The following PRKG1 variants were observed in gnomAD, a reference collection of about 807,000 sequenced individuals.
PRKG1 encodes the protein cGMP-dependent protein kinase 1.
Under a neutral mutation model 88.1 loss-of-function variants are expected in PRKG1, and 35 were observed. That is an observed-to-expected ratio of 0.40 (90% CI 0.30 to 0.53). The LOEUF (loss-of-function observed/expected upper bound fraction) is 0.53, where lower values mean the gene tolerates loss of function less well. PRKG1 is among the 20% of genes least tolerant of loss of function. The pLI is 0.59. For missense variants in PRKG1, 540 were observed against 839.8 expected (o/e 0.64, Z 4.41); for synonymous variants, 303 against 292.5 (o/e 1.04, Z -0.37).
intron 3 of PRKG1, among the ~76,000 whole-genome samples, chr10:51,709,302 C>T (rs1021832799): frequency 4.6e-5 from 7 of 152,158 alleles, no homozygotes; most frequent in Non-Finnish European, 5.9e-5. Flanking sequence ...CTCTTCCATC[C>T]TTCATATAAA....
At chr10:52,003,430 AG>A (rs1312553378) in intron 5 of PRKG1, among the ~76,000 whole-genome samples, 2 of 152,204 alleles carry the variant, frequency 1.3e-5, no homozygotes, top group African/African-American at 4.8e-5. Flanking sequence ...AGTAGGATTA[AG>A]AAAGTCATGA....
At chr10:51,444,530 A>G (rs1350729123) in intron 2 of PRKG1, among the ~76,000 whole-genome samples, 1 of 151,886 alleles carries the variant, frequency 6.6e-6, no homozygotes, top group Non-Finnish European at 1.5e-5. Context: ...TACAATATAT[A>G]AAGAATCTGC....
chr10:51,147,020 G>T (rs1845961350), intron 1 of PRKG1, among the ~76,000 whole-genome samples: 3 of 152,104 alleles, frequency 2.0e-5, no homozygotes, highest in Non-Finnish European at 4.4e-5. Context: ...GGAGGACATT[G>T]TGTTAAGTGA....
chr10:52,133,804 G>T (rs1173560511), intron 7 of PRKG1, 36 bp from the exon 8 acceptor site: 1 of 1,563,458 alleles, frequency 6.4e-7, no homozygotes, highest in East Asian at 2.3e-5. Context: ...TGATATTAAA[G>T]GTTATTTTAT....
At chr10:51,335,545 T>G (rs1841854726) in intron 2 of PRKG1, among the ~76,000 whole-genome samples, 1 of 152,134 alleles carries the variant, frequency 6.6e-6, no homozygotes, top group African/African-American at 2.4e-5. Flanking sequence ...ACATATTTTT[T>G]TTTTGAGATA....
At chr10:51,271,715 A>G (rs1391890391) in intron 2 of PRKG1, among the ~76,000 whole-genome samples, 1 of 152,226 alleles carries the variant, frequency 6.6e-6, no homozygotes, top group East Asian at 1.9e-4. Flanking sequence ...GATGGTTTCC[A>G]GCTTCATCCA....
intron 5 of PRKG1, among the ~76,000 whole-genome samples, chr10:51,937,814 T>C (rs772034648): frequency 2.6e-4 from 40 of 152,054 alleles, no homozygotes; most frequent in Non-Finnish European, 5.6e-4. Flanking sequence ...TTTCACTTTC[T>C]GTGGCCCGAA....
chr10:51,957,347 A>T (rs1271167932), intron 5 of PRKG1, among the ~76,000 whole-genome samples: 1 of 149,958 alleles, frequency 6.7e-6, no homozygotes, highest in African/African-American at 2.5e-5. Flanking sequence ...ACTGGAGTAC[A>T]GTGGCACAAT....
At chr10:52,026,763 T>A (rs1447392212) in intron 5 of PRKG1, among the ~76,000 whole-genome samples, 1 of 152,132 alleles carries the variant, frequency 6.6e-6, no homozygotes, top group Non-Finnish European at 1.5e-5. Flanking sequence ...GATCACCAAC[T>A]CAGGAGATCA....
At chr10:51,918,436 G>A (rs922720662) in intron 5 of PRKG1, among the ~76,000 whole-genome samples, 4 of 151,360 alleles carry the variant, frequency 2.6e-5, no homozygotes, top group Admixed American at 6.6e-5. Context: ...CACGAGACCC[G>A]AAACAAAGTG....
chr10:52,079,823 A>G (rs188937551), intron 7 of PRKG1, among the ~76,000 whole-genome samples: 1 of 152,296 alleles, frequency 6.6e-6, no homozygotes, highest in East Asian at 1.9e-4. Context: ...TTATTGAGAA[A>G]TATTTTTCAA....
chr10:52,073,339 G>A (rs569986385), intron 7 of PRKG1, among the ~76,000 whole-genome samples: 6 of 152,202 alleles, frequency 3.9e-5, no homozygotes, highest in Non-Finnish European at 8.8e-5. Flanking sequence ...TTTTGGGAGG[G>A]CACAAATCAA....
chr10:51,613,473 T>C (rs897665473), intron 3 of PRKG1, among the ~76,000 whole-genome samples: 4 of 151,814 alleles, frequency 2.6e-5, no homozygotes, highest in African/African-American at 9.7e-5. Flanking sequence ...CAACTTTTCA[T>C]TTTATTGATT....
chr10:52,123,762 T>C (rs1847872706), intron 7 of PRKG1, among the ~76,000 whole-genome samples: 1 of 152,182 alleles, frequency 6.6e-6, no homozygotes, highest in Non-Finnish European at 1.5e-5. Flanking sequence ...ACAAATTGTT[T>C]CCTCTACTTG....
At chr10:51,121,399 G>A (rs1052862631) in intron 1 of PRKG1, among the ~76,000 whole-genome samples, 2 of 151,986 alleles carry the variant, frequency 1.3e-5, no homozygotes, top group African/African-American at 2.4e-5. Context: ...CATAATTTTT[G>A]GCTCATGAGT....
chr10:52,245,722 C>T (rs1181199341), intron 9 of PRKG1, among the ~76,000 whole-genome samples: 1 of 150,686 alleles, frequency 6.6e-6, no homozygotes, highest in East Asian at 1.9e-4. Flanking sequence ...AACTGATTTG[C>T]ATGTGGATTG....
At chr10:52,256,704 T>C (rs1279641827) in intron 10 of PRKG1, among the ~76,000 whole-genome samples, 1 of 139,666 alleles carries the variant, frequency 7.2e-6, no homozygotes, top group Non-Finnish European at 1.6e-5. Flanking sequence ...GGAATGAAAG[T>C]ATTTTACTCT....
rs148970205 is a variant in PRKG1 at position 51,272,729 on chromosome 10, A to G, written c.478+119399A>G. 7.9e-5 allele frequency among the ~76,000 whole-genome samples: 12 copies of G among 152,230 alleles called. No homozygotes were observed. In the East Asian group the frequency reaches 2.3e-3, roughly 29 times the overall value. On this transcript the variant is annotated intron_variant, in intron 2 of 17. Transcript: ENST00000373980. ...GTCTTAGTCTTGGAAATCTCAAAGG[A>G]TGCAGCCCAGCCTCTGTGCGGGTGA... is the stretch of plus-strand genomic sequence containing the variant.
chr10:51,290,486 G>T lies in PRKG1; in HGVS notation c.478+137156G>T, dbSNP rs796982866. 4.9e-4 allele frequency among the ~76,000 whole-genome samples: 74 copies of T among 152,028 alleles called. 1 individual carries two copies. Among genetic ancestry groups the T allele is most frequent in the African/African-American group, 1.6e-3 (66 of 41,462 alleles). On this transcript the variant is annotated intron_variant, in intron 2 of 17. Transcript: ENST00000373980. ...TATTTTTCTTTTAGAGACTATTTTTGTAATGGTCTGACTTCTTACATCACA... is the reference window on the plus strand; with the variant it reads ...TATTTTTCTTTTAGAGACTATTTTTTTAATGGTCTGACTTCTTACATCACA...
Sources: allele counts gnomAD v4.1 joint callset (sites outside exome capture counted in the v4.1 genomes callset), GRCh38; gene constraint gnomAD v4.1.1; transcripts MANE v1.5; gene names NCBI Gene and HGNC (gene_info 2026-07-23, HGNC 2026-07-21).